CEP112: variants seen among roughly 807,000 people sequenced by gnomAD.
The protein encoded by CEP112 is centrosomal protein 112.
In CEP112, 127 loss-of-function variants were observed where a neutral mutation model predicts 153.0. The ratio of observed to expected loss-of-function variants is 0.83; its 90% CI spans 0.72 to 0.96. CEP112 has a LOEUF of 0.96. Ranked by LOEUF, CEP112 falls within the 40% of genes least tolerant of loss-of-function variation. The pLI, the probability that CEP112 is intolerant of heterozygous loss-of-function variation, is 0.00. For synonymous variants in CEP112, 358 were observed against 374.4 expected (o/e 0.96, Z 0.51); for missense variants, 1,089 against 1,101.2 (o/e 0.99, Z 0.16).
intron 11 of CEP112, among the ~76,000 whole-genome samples, chr17:66,055,182 A>AT (rs2066629803): frequency 6.6e-6 from 1 of 152,280 alleles, no homozygotes; most frequent in East Asian, 1.9e-4. Flanking sequence ...GAGAGATGGA[A>AT]GCTAGGGCAG....
chr17:66,075,189 A>T (rs1387180693), intron 8 of CEP112, among the ~76,000 whole-genome samples: 8 of 152,218 alleles, frequency 5.3e-5, no homozygotes, highest in Non-Finnish European at 7.3e-5. Flanking sequence ...ACAACTATTT[A>T]AAGATAATAC....
intron 21 of CEP112, among the ~76,000 whole-genome samples, chr17:65,818,720 C>T (rs901678452): frequency 6.6e-6 from 1 of 151,792 alleles, no homozygotes; most frequent in African/African-American, 2.4e-5. Context: ...TTTAACACAG[C>T]AGCATTCAAA....
chr17:66,054,235 C>G (rs2145939399), intron 11 of CEP112, among the ~76,000 whole-genome samples: 1 of 152,228 alleles, frequency 6.6e-6, no homozygotes, highest in South Asian at 2.1e-4. Context: ...AATATTGTAA[C>G]TAATTAGGAA....
chr17:65,693,729 C>G (rs534626230), intron 23 of CEP112, among the ~76,000 whole-genome samples: 2 of 152,184 alleles, frequency 1.3e-5, no homozygotes, highest in African/African-American at 2.4e-5. Flanking sequence ...TTGCTAGACT[C>G]CAAATATTGC....
At chr17:65,970,671 T>A (rs923048483) in intron 17 of CEP112, among the ~76,000 whole-genome samples, 1 of 151,954 alleles carries the variant, frequency 6.6e-6, no homozygotes. Flanking sequence ...ACATGCATAT[T>A]ACACGCATAT....
At chr17:65,966,395 T>C (rs570028657) in intron 17 of CEP112, among the ~76,000 whole-genome samples, 5 of 152,328 alleles carry the variant, frequency 3.3e-5, no homozygotes, top group Middle Eastern at 3.4e-3. Context: ...ATCTTCCTTT[T>C]GCACATTTCT....
chr17:66,066,020 C>T (rs746055966), intron 10 of CEP112, among the ~76,000 whole-genome samples: 3 of 152,160 alleles, frequency 2.0e-5, no homozygotes, highest in Non-Finnish European at 4.4e-5. Flanking sequence ...GCATTCCCAT[C>T]CCAGTACCTG....
At chr17:66,025,820 G>A (rs7220439) in intron 16 of CEP112, among the ~76,000 whole-genome samples, 78,025 of 151,428 alleles carry the variant, frequency 0.52, 21,018 homozygotes, top group African/African-American at 0.59. Flanking sequence ...AAAGGAAAAG[G>A]TCATTATTCA....
intron 18 of CEP112, among the ~76,000 whole-genome samples, chr17:65,945,058 C>T (rs1327886834): frequency 2.0e-5 from 3 of 152,274 alleles, no homozygotes; most frequent in Admixed American, 1.3e-4. Flanking sequence ...AAGTCATTAC[C>T]TCTCCATCCA....
intron 16 of CEP112, among the ~76,000 whole-genome samples, chr17:66,013,968 C>A (rs1052425890): frequency 6.6e-6 from 1 of 152,190 alleles, no homozygotes; most frequent in African/African-American, 2.4e-5. Flanking sequence ...GGAGGCAGGG[C>A]CACTGGCCTT....
intron 20 of CEP112, among the ~76,000 whole-genome samples, chr17:65,867,160 A>G (rs2058515130): frequency 2.0e-5 from 3 of 152,186 alleles, no homozygotes; most frequent in Non-Finnish European, 2.9e-5. Context: ...GCAGCTGCTT[A>G]TGGTATGCCC....
At chr17:66,051,097 A>C (rs1047315983) in intron 12 of CEP112, among the ~76,000 whole-genome samples, 9 of 151,186 alleles carry the variant, frequency 6.0e-5, no homozygotes, top group African/African-American at 2.2e-4. Flanking sequence ...CTCCTGCCTC[A>C]GCCTCCCAAC....
At chr17:66,099,428 C>T (rs985734825) in intron 6 of CEP112, among the ~76,000 whole-genome samples, 3 of 145,916 alleles carry the variant, frequency 2.1e-5, no homozygotes, top group African/African-American at 7.6e-5. Flanking sequence ...CTCTTGAACC[C>T]AAGAGGTGGA....
chr17:66,093,941 C>A (rs2068237708), intron 8 of CEP112, among the ~76,000 whole-genome samples: 2 of 152,122 alleles, frequency 1.3e-5, no homozygotes, highest in Non-Finnish European at 2.9e-5. Flanking sequence ...AAAGCTACAG[C>A]AATCAAAAGA....
At chr17:65,939,797 AC>A (rs1181021630) in intron 18 of CEP112, among the ~76,000 whole-genome samples, 1 of 152,228 alleles carries the variant, frequency 6.6e-6, no homozygotes, top group Non-Finnish European at 1.5e-5. Context: ...AGTAGAAAAT[AC>A]AGGGAGAAAG....
At chr17:65,672,764 G>T (rs1040365658) in intron 24 of CEP112, among the ~76,000 whole-genome samples, 5 of 152,082 alleles carry the variant, frequency 3.3e-5, no homozygotes, top group African/African-American at 1.2e-4. Flanking sequence ...TATTGGCACA[G>T]GAAATCGATA....
intron 20 of CEP112, among the ~76,000 whole-genome samples, chr17:65,857,796 T>C (rs1298210902): frequency 6.6e-6 from 1 of 152,192 alleles, no homozygotes. Flanking sequence ...TTTTTCATCC[T>C]CTGAAAGAAT....
intron 20 of CEP112, among the ~76,000 whole-genome samples, chr17:65,888,499 C>CT (rs36045801): frequency 0.34 from 50,441 of 149,850 alleles, 10,336 homozygotes; most frequent in Middle Eastern, 0.47. Flanking sequence ...TTAAGATGAT[C>CT]TTTTTTTTTT....
intron 6 of CEP112, among the ~76,000 whole-genome samples, chr17:66,125,960 TAGTG>T (rs1171075252): frequency 6.6e-6 from 1 of 152,216 alleles, no homozygotes; most frequent in African/African-American, 2.4e-5. Flanking sequence ...CCATGATTTT[TAGTG>T]CTAAATTTAA....
Sources: allele counts gnomAD v4.1 joint callset (sites outside exome capture counted in the v4.1 genomes callset), GRCh38; gene constraint gnomAD v4.1.1; transcripts MANE v1.5; gene names NCBI Gene and HGNC (gene_info 2026-07-23, HGNC 2026-07-21).